SDK1: variants seen among roughly 807,000 people sequenced by gnomAD.
SDK1 encodes the protein protein sidekick-1.
In SDK1, 157 loss-of-function variants were observed where a neutral mutation model predicts 245.5. The ratio of observed to expected loss-of-function variants is 0.64; its 90% CI spans 0.56 to 0.73. SDK1 has a LOEUF of 0.73. Ranked by LOEUF, SDK1 falls within the 30% of genes least tolerant of loss-of-function variation. SDK1 has a pLI of 0.00. For synonymous variants in SDK1, 1,647 were observed against 1,278.5 expected, an observed-to-expected ratio of 1.29 and a Z score of -6.15; for missense variants, 3,583 against 3,002.3, an observed-to-expected ratio of 1.19 and a Z score of -4.52.
Position 3,610,598 on chromosome 7 carries a change from A to T in SDK1, c.299-8482A>T, listed in dbSNP as rs1781556084. 2.0e-5 allele frequency among the ~76,000 whole-genome samples: 3 copies of T among 152,260 alleles called. No homozygotes were observed. In the South Asian group the frequency reaches 6.2e-4, roughly 32 times the overall value. On this transcript the variant is annotated intron_variant, in intron 1 of 44. Transcript: ENST00000404826. ...ATAGATTAGCACAGTGCAAGATAAA[A>T]CTAGTACATAAATATAGCCATATAT...
rs1485148443 is a variant in SDK1, at chr7:4,149,054, CAAAAA to C, written c.4424-207_4424-203del. On this transcript the variant is annotated intron_variant, in intron 29 of 44. Coordinates refer to ENST00000404826, the MANE Select transcript of SDK1 (RefSeq NM_152744.4). ...CTGGTGACAGAGTGAGACTCTGTCT[CAAAAA>C]CAAAACAAAACAAAACAAAACAAAA... Among the ~76,000 whole-genome samples, 3 of 138,180 alleles carry C rather than the reference CAAAAA, an allele frequency of 2.2e-5. 1 individual carries two copies. Among genetic ancestry groups the C allele is most frequent in the Admixed American group, 1.4e-4 (2 of 14,592 alleles). 90.7% of individuals were successfully genotyped at this position (138,180 alleles called of 152,430 possible). A position where few individuals can be genotyped will look rare whatever the true frequency, so the allele number is the denominator to read the frequency against.
chr7:3,640,718 C>G (rs995325753), intron 3 of SDK1, among the ~76,000 whole-genome samples: 1 of 151,748 alleles, frequency 6.6e-6, no homozygotes, highest in East Asian at 1.9e-4. Flanking sequence ...GAGTCTGGCT[C>G]TGTCACCCAG....
At chr7:4,096,128 CCA>C (rs1782136702) in intron 22 of SDK1, among the ~76,000 whole-genome samples, 1 of 152,214 alleles carries the variant, frequency 6.6e-6, no homozygotes, top group African/African-American at 2.4e-5. Flanking sequence ...CTTCAAAAGT[CCA>C]CAGTGTTTAT....
chr7:3,872,393 C>T (rs180733058), intron 5 of SDK1, among the ~76,000 whole-genome samples: 1 of 152,038 alleles, frequency 6.6e-6, no homozygotes, highest in Non-Finnish European at 1.5e-5. Context: ...TAACTAGTGA[C>T]ACTGAGTCTG....
At chr7:3,562,476 G>T (rs1198156081) in intron 1 of SDK1, among the ~76,000 whole-genome samples, 1 of 151,998 alleles carries the variant, frequency 6.6e-6, no homozygotes, top group Non-Finnish European at 1.5e-5. Flanking sequence ...GGATGCATGG[G>T]TGCTAAAAAC....
In SDK1 at chr7:3,437,641, C is replaced by T. The variant is rs186636649; in HGVS notation, c.298+135757C>T. ...AGTTAGCTGGATGTGATGGTGCGCGCCTGTAGTCCCACCTATTTCAGGGGG... is the reference window on the plus strand; with the variant it reads ...AGTTAGCTGGATGTGATGGTGCGCGTCTGTAGTCCCACCTATTTCAGGGGG... On this transcript the variant is annotated intron_variant, in intron 1 of 44. Coordinates refer to ENST00000404826, the MANE Select transcript of SDK1 (RefSeq NM_152744.4). Among the ~76,000 whole-genome samples the T allele has an allele frequency of 3.7e-4, 56 of 152,164 alleles. 1 individual carries two copies. Among genetic ancestry groups the T allele is most frequent in the Admixed American group, 2.3e-3 (35 of 15,276 alleles).
At chr7:3,451,550 G>T (rs1477808669) in intron 1 of SDK1, among the ~76,000 whole-genome samples, 1 of 151,522 alleles carries the variant, frequency 6.6e-6, no homozygotes, top group Admixed American at 6.8e-5. Flanking sequence ...GTTATCAGCA[G>T]TAGAATCAGA....
intron 5 of SDK1, among the ~76,000 whole-genome samples, chr7:3,934,711 C>T (rs572441750): frequency 1.7e-4 from 26 of 152,318 alleles, no homozygotes; most frequent in Middle Eastern, 6.8e-3. Context: ...TGTCCAAATG[C>T]GCAAGGCTGA....
chr7:3,545,164 C>T (rs75980571), intron 1 of SDK1, among the ~76,000 whole-genome samples: 2,175 of 152,174 alleles, frequency 0.014, 38 homozygotes, highest in African/African-American at 0.042. Context: ...TTTTAATTGA[C>T]GCCTAACAGA....
intron 4 of SDK1, among the ~76,000 whole-genome samples, chr7:3,749,167 C>T (rs569813923): frequency 4.6e-5 from 7 of 152,074 alleles, no homozygotes; most frequent in East Asian, 3.9e-4. Flanking sequence ...GAGGGAGTCT[C>T]GCTCTGTCAC....
intron 1 of SDK1, among the ~76,000 whole-genome samples, chr7:3,579,992 C>T (rs1212012143): frequency 1.3e-5 from 2 of 152,136 alleles, no homozygotes; most frequent in Non-Finnish European, 2.9e-5. Flanking sequence ...TTCCTATACA[C>T]CAACAACATC....
At chr7:4,177,527 A>C (rs1234307707) in intron 34 of SDK1, among the ~76,000 whole-genome samples, 1 of 152,106 alleles carries the variant, frequency 6.6e-6, no homozygotes, top group Non-Finnish European at 1.5e-5. Flanking sequence ...GCGTCCTTCT[A>C]CATTCTATTT....
intron 1 of SDK1, among the ~76,000 whole-genome samples, chr7:3,438,977 C>G (rs1173521902): frequency 1.3e-5 from 2 of 151,656 alleles, no homozygotes; most frequent in South Asian, 2.1e-4. Context: ...CTCAGCCTCC[C>G]GAGTAGTTGG....
At position 3,912,194 on chromosome 7, in the gene SDK1, A is replaced by G. The variant is rs562107560; in HGVS notation, c.848-38729A>G. On this transcript the variant is annotated intron_variant, in intron 5 of 44. Coordinates refer to ENST00000404826, the MANE Select transcript of SDK1 (RefSeq NM_152744.4). ...ATGAGCGCTGTGTTTTAGGAAGAGGACTCCGTAATAGAGAGGATGAGCCAG... is the reference window on the plus strand; with the variant it reads ...ATGAGCGCTGTGTTTTAGGAAGAGGGCTCCGTAATAGAGAGGATGAGCCAG... Among the ~76,000 whole-genome samples, 5 of 152,156 alleles carry G rather than the reference A, an allele frequency of 3.3e-5. No individual in the cohort carries two copies. In the East Asian group the frequency reaches 9.7e-4, roughly 29 times the overall value.
chr7:4,110,007 G>A (rs12538237), intron 22 of SDK1, among the ~76,000 whole-genome samples: 30,102 of 152,042 alleles, frequency 0.2, 3,994 homozygotes, highest in East Asian at 0.73. Context: ...CAGCAGACCC[G>A]GAAAAGGCAA....
At chr7:3,509,825 T>TA (rs1442770315) in intron 1 of SDK1, among the ~76,000 whole-genome samples, 1 of 152,176 alleles carries the variant, frequency 6.6e-6, no homozygotes, top group Non-Finnish European at 1.5e-5. Context: ...AATGAGTACT[T>TA]AGAGTCTAAA....
intron 1 of SDK1, among the ~76,000 whole-genome samples, chr7:3,333,180 G>A (rs529031556): frequency 6.6e-6 from 1 of 152,280 alleles, no homozygotes; most frequent in South Asian, 2.1e-4. Context: ...TTTGTCGGGG[G>A]AGGGAGGGTA....
intron 13 of SDK1, among the ~76,000 whole-genome samples, chr7:3,979,074 T>A (rs1355247280): frequency 6.6e-6 from 1 of 152,182 alleles, no homozygotes; most frequent in Non-Finnish European, 1.5e-5. Context: ...TGGACAGCAG[T>A]GGGGCCAATA....
At chr7:3,963,340 G>T (rs1781850059) in intron 9 of SDK1, among the ~76,000 whole-genome samples, 1 of 73,048 alleles carries the variant, frequency 1.4e-5, no homozygotes. Context: ...TGGCTATCTG[G>T]ATGTAACCAG....
Sources: gnomAD v4.1 joint callset for allele counts (sites outside exome capture counted in the v4.1 genomes callset) on GRCh38, gnomAD v4.1.1 for gene constraint, MANE v1.5 for transcripts, NCBI Gene and HGNC (gene_info 2026-07-23, HGNC 2026-07-21) for gene names.